The following NTRK3 variants were observed in gnomAD, a reference collection of about 807,000 sequenced individuals.
The protein encoded by NTRK3 is NT-3 growth factor receptor.
Under a neutral mutation model 91.7 loss-of-function variants are expected in NTRK3, and 24 were observed. The observed-to-expected ratio is 0.26, with a 90% CI of 0.19 to 0.37. The LOEUF is 0.37. Among genes scored for constraint, NTRK3 ranks in the 10% least tolerant of loss-of-function variants. The probability of loss-of-function intolerance (pLI) is 1.00; values close to 1 mark genes in which losing one functional copy is unlikely to be tolerated. For synonymous variants in NTRK3, 483 were observed against 404.0 expected (o/e 1.20, Z -2.34); for missense variants, 880 against 1,068.9 (o/e 0.82, Z 2.46).
At chr15:88,141,421 G>A (rs1214592001) in intron 6 of NTRK3, among the ~76,000 whole-genome samples, 1 of 152,224 alleles carries the variant, frequency 6.6e-6, no homozygotes, top group African/African-American at 2.4e-5. Flanking sequence ...ATAGGCCAGA[G>A]GAGGTGGAGC....
At chr15:88,024,492 GA>G (rs749876383) in intron 14 of NTRK3, among the ~76,000 whole-genome samples, 7 of 152,190 alleles carry the variant, frequency 4.6e-5, no homozygotes, top group Non-Finnish European at 1.0e-4. Flanking sequence ...AAAGGAAGTT[GA>G]AGAGAACCAA....
At chr15:88,175,121 CCT>C (rs1240459399) in intron 5 of NTRK3, among the ~76,000 whole-genome samples, 2 of 152,208 alleles carry the variant, frequency 1.3e-5, no homozygotes, top group African/African-American at 4.8e-5. Flanking sequence ...CTGATTACAG[CCT>C]CTGTCATTCC....
chr15:88,154,814 T>C (rs912579997), intron 5 of NTRK3, among the ~76,000 whole-genome samples: 4 of 152,160 alleles, frequency 2.6e-5, no homozygotes, highest in Non-Finnish European at 5.9e-5. Flanking sequence ...AAATTAAGCA[T>C]GCTTATTTAC....
chr15:87,859,913 C>T (rs1049301182), exon 19 of NTRK3: 22 of 184,934 alleles, frequency 1.2e-4, no homozygotes, highest in African/African-American at 4.2e-4. Flanking sequence ...GTATTTACAA[C>T]TCTCACTTAT....
chr15:88,074,440 C>T (rs777499671), intron 13 of NTRK3, among the ~76,000 whole-genome samples: 4 of 152,230 alleles, frequency 2.6e-5, no homozygotes, highest in African/African-American at 4.8e-5. Flanking sequence ...TGCCCACACA[C>T]GGCTAGCAGC....
At chr15:87,905,354 T>G (rs950246408) in intron 17 of NTRK3, among the ~76,000 whole-genome samples, 2 of 152,206 alleles carry the variant, frequency 1.3e-5, no homozygotes, top group African/African-American at 4.8e-5. Context: ...TTCTTTACTT[T>G]GTTGTAGCAG....
intron 13 of NTRK3, among the ~76,000 whole-genome samples, chr15:88,104,294 T>C (rs373700903): frequency 7.2e-5 from 11 of 152,360 alleles, no homozygotes; most frequent in African/African-American, 2.4e-4. Context: ...GGGTAGATTA[T>C]AGTTTTAAAG....
intron 17 of NTRK3, among the ~76,000 whole-genome samples, chr15:87,894,006 G>A (rs1596123999): frequency 6.6e-6 from 1 of 152,314 alleles, no homozygotes; most frequent in Middle Eastern, 3.4e-3. Context: ...GGTCTATCAG[G>A]AGATTGTCAT....
intron 3 of NTRK3, among the ~76,000 whole-genome samples, chr15:88,199,318 T>C (rs1482700317): frequency 6.6e-6 from 1 of 152,174 alleles, no homozygotes; most frequent in African/African-American, 2.4e-5. Flanking sequence ...CATCATGTCG[T>C]CCGGTACTCT....
intron 5 of NTRK3, among the ~76,000 whole-genome samples, chr15:88,160,964 A>G (rs2044396932): frequency 6.6e-6 from 1 of 152,204 alleles, no homozygotes; most frequent in Non-Finnish European, 1.5e-5. Flanking sequence ...CATCTTGACC[A>G]TGCAAGTCCT....
intron 13 of NTRK3, among the ~76,000 whole-genome samples, chr15:88,053,100 C>A (rs2045372284): frequency 1.3e-5 from 2 of 152,136 alleles, no homozygotes; most frequent in African/African-American, 4.8e-5. Context: ...GGATACAAAA[C>A]AAAGCCCTTG....
chr15:88,039,786 G>A (rs547574782), intron 13 of NTRK3, among the ~76,000 whole-genome samples: 1 of 152,320 alleles, frequency 6.6e-6, no homozygotes, highest in South Asian at 2.1e-4. Flanking sequence ...AGGAGACAGG[G>A]TCATTTATAA....
intron 3 of NTRK3, among the ~76,000 whole-genome samples, chr15:88,202,329 C>T (rs560214969): frequency 1.3e-5 from 2 of 152,324 alleles, no homozygotes; most frequent in South Asian, 4.1e-4. Context: ...TCTCTCCTGG[C>T]CTTTCCCTTC....
At chr15:87,872,949 T>C (rs1324557280) in exon 19 of NTRK3, 5 of 233,008 alleles carry the variant, frequency 2.1e-5, no homozygotes, top group Middle Eastern at 2.5e-3. Flanking sequence ...GGATAACTAA[T>C]AGCAAAATCA....
At chr15:88,193,643 G>A (rs1291975796) in intron 3 of NTRK3, among the ~76,000 whole-genome samples, 1 of 152,140 alleles carries the variant, frequency 6.6e-6, no homozygotes, top group Non-Finnish European at 1.5e-5. Context: ...AATCCCCAAA[G>A]GGATCAATGT....
chr15:87,937,973 A>G (rs2069460746), intron 15 of NTRK3, among the ~76,000 whole-genome samples: 2 of 152,246 alleles, frequency 1.3e-5, no homozygotes, highest in South Asian at 4.1e-4. Flanking sequence ...GAGACGAAAA[A>G]AAAAAAGGAA....
At chr15:88,107,821 G>C (rs1448837179) in intron 13 of NTRK3, among the ~76,000 whole-genome samples, 1 of 152,086 alleles carries the variant, frequency 6.6e-6, no homozygotes, top group Non-Finnish European at 1.5e-5. Flanking sequence ...TCATCACTAA[G>C]TCCCAGTCAG....
intron 13 of NTRK3, among the ~76,000 whole-genome samples, chr15:88,049,942 G>A (rs2080650552): frequency 6.6e-6 from 1 of 152,208 alleles, no homozygotes; most frequent in South Asian, 2.1e-4. Context: ...ACTTGGCATT[G>A]TGCTCCTGAC....
intron 13 of NTRK3, among the ~76,000 whole-genome samples, chr15:88,050,291 A>G (rs2080697530): frequency 1.3e-5 from 2 of 152,190 alleles, no homozygotes; most frequent in Non-Finnish European, 2.9e-5. Context: ...ATGCTTCTCA[A>G]AATCACCACA....
Sources: gnomAD v4.1 joint callset for allele counts (sites outside exome capture counted in the v4.1 genomes callset) on GRCh38, gnomAD v4.1.1 for gene constraint, MANE v1.5 for transcripts, NCBI Gene and HGNC (gene_info 2026-07-23, HGNC 2026-07-21) for gene names.